ADAMTS17: variants seen among roughly 807,000 people sequenced by gnomAD.
The protein encoded by ADAMTS17 is ADAM metallopeptidase with thrombospondin type 1 motif 17.
ADAMTS17 carries 113 observed loss-of-function variants against 141.5 expected under a neutral mutation model. The ratio of observed to expected loss-of-function variants is 0.80; its 90% CI spans 0.69 to 0.93. ADAMTS17 has a LOEUF of 0.93. Among genes scored for constraint, ADAMTS17 ranks in the 40% least tolerant of loss-of-function variants. The probability of loss-of-function intolerance (pLI) is 0.00; values close to 1 mark genes in which losing one functional copy is unlikely to be tolerated. For missense variants in ADAMTS17, 1,659 were observed against 1,517.9 expected (o/e 1.09, Z -1.54); for synonymous variants, 768 against 630.6 (o/e 1.22, Z -3.27).
At chr15:100,206,705 G>T (rs2041581558) in intron 7 of ADAMTS17, among the ~76,000 whole-genome samples, 1 of 152,146 alleles carries the variant, frequency 6.6e-6, no homozygotes. Flanking sequence ...GTGGGGAACG[G>T]GACAACTAAG....
intron 14 of ADAMTS17, among the ~76,000 whole-genome samples, chr15:100,102,964 C>T (rs1038366780): frequency 7.9e-5 from 12 of 152,188 alleles, no homozygotes; most frequent in East Asian, 3.9e-4. Context: ...GGCGACTCTC[C>T]GCCTCTTCCA....
At chr15:100,140,293 G>A (rs965653338) in intron 10 of ADAMTS17, among the ~76,000 whole-genome samples, 1 of 152,152 alleles carries the variant, frequency 6.6e-6, no homozygotes, top group Non-Finnish European at 1.5e-5. Flanking sequence ...ACTGTGCCTG[G>A]CCGTGTAAGA....
intron 14 of ADAMTS17, among the ~76,000 whole-genome samples, chr15:100,101,845 C>A (rs2036121336): frequency 6.6e-6 from 1 of 152,226 alleles, no homozygotes; most frequent in African/African-American, 2.4e-5. Context: ...ACTGCCTCAT[C>A]CCATCTCTTC....
rs889230096 is a variant in ADAMTS17 at position 100,187,718 on chromosome 15, G to A, written c.1181+11600C>T. ...CTGCCAACTCCCTATTTCACCAAAA[G>A]GGCAGCCACGGGACCAGCTCTTCAC... On this transcript the variant is annotated intron_variant, in intron 8 of 21. Transcript: ENST00000268070. Among the ~76,000 whole-genome samples the A allele has an allele frequency of 2.6e-5, 4 of 152,190 alleles. No homozygotes were observed. In the East Asian group the frequency reaches 7.7e-4, roughly 29 times the overall value.
chr15:100,211,933 C>A (rs1275346915), intron 7 of ADAMTS17, among the ~76,000 whole-genome samples: 1 of 152,140 alleles, frequency 6.6e-6, no homozygotes, highest in Non-Finnish European at 1.5e-5. Flanking sequence ...ATTTGACCCA[C>A]TGAGAAAGGC....
At chr15:100,270,498 A>G (rs1308687357) in intron 4 of ADAMTS17, among the ~76,000 whole-genome samples, 1 of 152,144 alleles carries the variant, frequency 6.6e-6, no homozygotes, top group East Asian at 1.9e-4. Flanking sequence ...AAATTTGCCT[A>G]GGAATTAAAA....
intron 14 of ADAMTS17, among the ~76,000 whole-genome samples, chr15:100,107,135 A>G (rs1284132967): frequency 1.3e-5 from 2 of 152,182 alleles, no homozygotes; most frequent in Non-Finnish European, 2.9e-5. Context: ...TTGGGTGGAA[A>G]CGGTTTGCTG....
intron 15 of ADAMTS17, among the ~76,000 whole-genome samples, chr15:100,089,579 AC>A (rs1323088351): frequency 1.3e-5 from 2 of 151,938 alleles, no homozygotes; most frequent in East Asian, 3.9e-4. Flanking sequence ...CTTGGAACCA[AC>A]CCAAATGTCC....
chr15:100,185,303 G>A (rs1042393474), intron 8 of ADAMTS17, among the ~76,000 whole-genome samples: 13 of 151,932 alleles, frequency 8.6e-5, no homozygotes, highest in African/African-American at 1.5e-4. Flanking sequence ...GAACAAGCTC[G>A]TAGAAGAAAC....
At chr15:100,332,989 G>A (rs1460010757) in intron 2 of ADAMTS17, among the ~76,000 whole-genome samples, 2 of 152,154 alleles carry the variant, frequency 1.3e-5, no homozygotes, top group Admixed American at 6.5e-5. Context: ...ACTGTCCCCA[G>A]GTTCCTTCAA....
chr15:100,004,674 G>A (rs1029038102), intron 18 of ADAMTS17, among the ~76,000 whole-genome samples: 3 of 142,154 alleles, frequency 2.1e-5, no homozygotes, highest in Non-Finnish European at 1.5e-5. Context: ...AGGCTGGAGT[G>A]CAATGGCGCA....
intron 7 of ADAMTS17, among the ~76,000 whole-genome samples, chr15:100,209,988 G>A (rs542863790): frequency 6.6e-6 from 1 of 152,244 alleles, no homozygotes; most frequent in African/African-American, 2.4e-5. Flanking sequence ...TTGCCTCTAT[G>A]CCTCTGTGGT....
Position 100,274,681 on chromosome 15 carries a change from T to C in ADAMTS17, c.789+6548A>G, listed in dbSNP as rs2044020768. 2.0e-5 allele frequency among the ~76,000 whole-genome samples: 3 copies of C among 152,234 alleles called. No individual in the cohort carries two copies. The South Asian group carries it at 6.2e-4, about 31-fold the overall frequency. ...AATTTACACTTCAAGTAATTACTGA[T>C]AAGGAGGGACTTACTTTTCCATTTT... On this transcript the variant is annotated intron_variant, in intron 4 of 21. Transcript: ENST00000268070.
At chr15:99,975,051 T>G (rs992194536) in intron 21 of ADAMTS17, among the ~76,000 whole-genome samples, 1 of 152,144 alleles carries the variant, frequency 6.6e-6, no homozygotes, top group African/African-American at 2.4e-5. Context: ...GGCCGGTGCT[T>G]GAAAAGACAC....
chr15:100,115,376 G>A (rs552942126), intron 13 of ADAMTS17, among the ~76,000 whole-genome samples: 6 of 152,342 alleles, frequency 3.9e-5, no homozygotes, highest in South Asian at 2.1e-4. Context: ...TGCAAAGGCC[G>A]TGTTTCTCTT....
intron 18 of ADAMTS17, among the ~76,000 whole-genome samples, chr15:100,025,363 A>G (rs2061488354): frequency 6.7e-6 from 1 of 149,026 alleles, no homozygotes; most frequent in Non-Finnish European, 1.5e-5. Context: ...TACAGCATAT[A>G]GTTGGGTCTT....
chr15:99,980,449 A>ATG (rs1262112319), intron 20 of ADAMTS17: 1 of 152,248 alleles, frequency 6.6e-6, no homozygotes, highest in Non-Finnish European at 1.5e-5. Context: ...ACTGCAAAAC[A>ATG]TGTACCCAGG....
intron 2 of ADAMTS17, among the ~76,000 whole-genome samples, chr15:100,332,407 C>T (rs1262657588): frequency 1.3e-5 from 2 of 152,194 alleles, no homozygotes; most frequent in African/African-American, 2.4e-5. Flanking sequence ...CAGGGTACGG[C>T]ACAGTGCCTG....
At chr15:100,082,524 T>G (rs1330592330) in intron 15 of ADAMTS17, among the ~76,000 whole-genome samples, 1 of 151,988 alleles carries the variant, frequency 6.6e-6, no homozygotes, top group Non-Finnish European at 1.5e-5. Flanking sequence ...TAGTGGGGAC[T>G]TCAGGCACAC....
Sources: gnomAD v4.1 joint callset for allele counts (sites outside exome capture counted in the v4.1 genomes callset) on GRCh38, gnomAD v4.1.1 for gene constraint, MANE v1.5 for transcripts, NCBI Gene and HGNC (gene_info 2026-07-23, HGNC 2026-07-21) for gene names.